The following CCDC39 variants were observed in gnomAD, a reference collection of about 807,000 sequenced individuals.
The protein encoded by CCDC39 is coiled-coil domain 39 molecular ruler complex subunit.
CCDC39 carries 113 observed loss-of-function variants against 121.0 expected under a neutral mutation model. The observed-to-expected ratio is 0.93, with a 90% CI of 0.80 to 1.09. The LOEUF is 1.09. CCDC39 is among the 50% of genes least tolerant of loss of function. The pLI is 0.00. For synonymous variants in CCDC39, 349 were observed against 352.2 expected (o/e 0.99, Z 0.10); for missense variants, 1,063 against 1,074.7 (o/e 0.99, Z 0.15).
At chr3:180,623,078 TTTATTA>T (rs60546376) in intron 14 of CCDC39, among the ~76,000 whole-genome samples, 5,192 of 144,936 alleles carry the variant, frequency 0.036, 234 homozygotes, top group African/African-American at 0.096. Context: ...TTTGGAGATT[TTTATTA>T]TTATTATTAT....
intron 11 of CCDC39, among the ~76,000 whole-genome samples, chr3:180,646,639 G>T (rs942802786): frequency 4.6e-5 from 7 of 151,944 alleles, no homozygotes; most frequent in Non-Finnish European, 7.4e-5. Context: ...AAGACAAAGG[G>T]CCATCAAGTT....
intron 3 of CCDC39, 71 bp from the exon 4 acceptor site, chr3:180,660,799 A>C: frequency 7.5e-7 from 1 of 1,340,310 alleles, no homozygotes. Flanking sequence ...AAAATAAAAC[A>C]TACCTTTATA....
intron 17 of CCDC39, 24 bp downstream of exon 17, chr3:180,616,802 T>C: frequency 6.2e-7 from 1 of 1,602,528 alleles, no homozygotes; most frequent in African/African-American, 1.3e-5. Flanking sequence ...ATATGAAAGG[T>C]CAGTTTTTAA....
At chr3:180,650,094 C>T (rs1005670436) in intron 9 of CCDC39, among the ~76,000 whole-genome samples, 1 of 152,094 alleles carries the variant, frequency 6.6e-6, no homozygotes, top group Admixed American at 6.5e-5. Flanking sequence ...CCTTTTTCAA[C>T]CCCCCCAAAC....
chr3:180,650,833 G>A (rs1289382181), intron 9 of CCDC39, among the ~76,000 whole-genome samples: 1 of 151,974 alleles, frequency 6.6e-6, no homozygotes, highest in Non-Finnish European at 1.5e-5. Flanking sequence ...CTCCAGCCTA[G>A]GGGATAGAGC....
chr3:180,649,730 C>T (rs1015721488), intron 9 of CCDC39, among the ~76,000 whole-genome samples: 7 of 152,108 alleles, frequency 4.6e-5, no homozygotes, highest in African/African-American at 1.2e-4. Flanking sequence ...AATCGGTACA[C>T]CCTGCTGCTA....
At chr3:180,654,330 G>A (rs1165594864) in intron 7 of CCDC39, among the ~76,000 whole-genome samples, 4 of 150,376 alleles carry the variant, frequency 2.7e-5, no homozygotes, top group Admixed American at 2.7e-4. Flanking sequence ...ACCTGACACT[G>A]TAAAACTTCT....
chr3:180,674,014 G>C (rs945695426), intron 1 of CCDC39, among the ~76,000 whole-genome samples: 2 of 152,086 alleles, frequency 1.3e-5, no homozygotes, highest in African/African-American at 2.4e-5. Flanking sequence ...GTTCTGTGAA[G>C]AAAGTCATTG....
chr3:180,635,590 G>A (rs1431733822), intron 13 of CCDC39, among the ~76,000 whole-genome samples: 9 of 152,136 alleles, frequency 5.9e-5, no homozygotes, highest in Admixed American at 2.0e-4. Context: ...TCCAAAACCT[G>A]GCAGGGCACT....
chr3:180,649,718 A>T (rs541502575), intron 9 of CCDC39, among the ~76,000 whole-genome samples: 167 of 152,048 alleles, frequency 1.1e-3, no homozygotes, highest in Non-Finnish European at 2.0e-3. Context: ...TGCTAAAAAA[A>T]CAATCGGTAC....
At chr3:180,646,377 C>T (rs1387443027) in intron 11 of CCDC39, among the ~76,000 whole-genome samples, 1 of 152,076 alleles carries the variant, frequency 6.6e-6, no homozygotes, top group Non-Finnish European at 1.5e-5. Context: ...AATAGTCTTT[C>T]CAGTGGTAAA....
At chr3:180,670,547 AAC>A (rs1285288911) in intron 1 of CCDC39, among the ~76,000 whole-genome samples, 2 of 152,110 alleles carry the variant, frequency 1.3e-5, no homozygotes, top group Admixed American at 6.6e-5. Context: ...CTAGTGGAAA[AAC>A]ACACTTTACT....
In CCDC39 at chr3:180,654,793, T is replaced by C. The variant is rs554681004; in HGVS notation, c.899A>G (p.His300Arg). The change falls in exon 7 of 20, where the codon CAT (histidine) becomes CGT (arginine). Residue 300 changes from histidine (H) to arginine (R), a missense_variant. Physicochemically the swap from His to Arg is conservative, Grantham distance 29. Transcript: ENST00000476379. ...CTTCAGCTGAATTCTACTAGTTTCA[T>C]GGTCCTGATATGCCGTTCTACATTT... The part of the protein sequence containing the change: ...LLKCRTAYQD[H>R]ETSRIQLKGE... 7.5e-6 allele frequency: 12 copies of C among 1,610,260 alleles called. No homozygotes were observed. In the South Asian group the frequency reaches 1.2e-4, roughly 16 times the overall value.
At chr3:180,678,997 T>G (rs1489793154) in intron 1 of CCDC39, among the ~76,000 whole-genome samples, 4 of 152,058 alleles carry the variant, frequency 2.6e-5, no homozygotes, top group Non-Finnish European at 5.9e-5. Context: ...CAGCCTTTCC[T>G]CTCTCGCCAG....
At chr3:180,634,531 C>T (rs1209891596) in intron 13 of CCDC39, among the ~76,000 whole-genome samples, 2 of 152,106 alleles carry the variant, frequency 1.3e-5, no homozygotes, top group Non-Finnish European at 2.9e-5. Context: ...CAGCCACAAC[C>T]ACTACTAAGG....
chr3:180,674,523 G>C (rs1293041060), intron 1 of CCDC39, among the ~76,000 whole-genome samples: 1 of 152,194 alleles, frequency 6.6e-6, no homozygotes, highest in African/African-American at 2.4e-5. Context: ...ATGTTGAATA[G>C]GAGTGGTGAG....
chr3:180,641,943 AC>A, intron 13 of CCDC39, 49 bp downstream of exon 13: 1 of 1,351,368 alleles, frequency 7.4e-7, no homozygotes, highest in Non-Finnish European at 1.0e-6. Flanking sequence ...AGTTCTCCTG[AC>A]ATCATCCTGT....
intron 16 of CCDC39, among the ~76,000 whole-genome samples, chr3:180,618,160 T>C (rs552070011): frequency 4.9e-4 from 74 of 152,306 alleles, no homozygotes; most frequent in African/African-American, 1.4e-3. Context: ...TACACTCTTA[T>C]GATGTTCACA....
At chr3:180,660,872 G>C in intron 3 of CCDC39, 144 bp from the exon 4 acceptor site, 1 of 567,260 alleles carries the variant, frequency 1.8e-6, no homozygotes, top group Non-Finnish European at 3.0e-6. Context: ...TTTATAATAT[G>C]CCATATTTTA....
Sources: allele counts gnomAD v4.1 joint callset (sites outside exome capture counted in the v4.1 genomes callset), GRCh38; gene constraint gnomAD v4.1.1; transcripts MANE v1.5; gene names NCBI Gene and HGNC (gene_info 2026-07-23, HGNC 2026-07-21).